Variants in ANKRD26 observed in about 807,000 individuals in gnomAD.
The protein encoded by ANKRD26 is ankyrin repeat domain-containing protein 26.
In ANKRD26, 141 loss-of-function variants were observed where a neutral mutation model predicts 208.7. The ratio of observed to expected loss-of-function variants is 0.68; its 90% CI spans 0.59 to 0.78. The LOEUF (loss-of-function observed/expected upper bound fraction) is 0.78. Ranked by LOEUF, ANKRD26 falls within the 30% of genes least tolerant of loss-of-function variation. The pLI, the probability that ANKRD26 is intolerant of heterozygous loss-of-function variation, is 0.00. For missense variants in ANKRD26, 1,889 were observed against 1,938.7 expected (o/e 0.97, Z 0.48); for synonymous variants, 636 against 660.4 (o/e 0.96, Z 0.57).
intron 15 of ANKRD26, among the ~76,000 whole-genome samples, chr10:27,058,210 C>T (rs1425401423): frequency 1.3e-5 from 2 of 152,132 alleles, no homozygotes; most frequent in Non-Finnish European, 2.9e-5. Flanking sequence ...TATTATTTGA[C>T]ATCTACAAAC....
chr10:27,078,102 C>T (rs79155402), intron 7 of ANKRD26, among the ~76,000 whole-genome samples: 2,549 of 152,092 alleles, frequency 0.017, 152 homozygotes, highest in East Asian at 0.16. Flanking sequence ...GCATGAATTA[C>T]CTCTTGTGAG....
At chr10:26,983,378 G>A (rs1243872275) in intron 3 of ANKRD26, among the ~76,000 whole-genome samples, 1 of 152,140 alleles carries the variant, frequency 6.6e-6, no homozygotes, top group African/African-American at 2.4e-5. Context: ...TAACCATCCT[G>A]GGGTTAACTG....
chr10:26,967,255 G>A, the ANKRD26 span, among the ~76,000 whole-genome samples: 2 of 152,144 alleles, frequency 1.3e-5, no homozygotes, highest in African/African-American at 4.8e-5. Context: ...AGGACAGATA[G>A]ATAGATATTT....
At chr10:27,066,684 AT>A (rs1317180163) in intron 10 of ANKRD26, 136 bp from the exon 11 acceptor site, 2 of 600,118 alleles carry the variant, frequency 3.3e-6, no homozygotes, top group Non-Finnish European at 5.3e-6. Context: ...CAAAAAAAGA[AT>A]TTCACAAGGT....
intron 18 of ANKRD26, chr10:27,046,068 C>T (rs565332318): frequency 7.0e-6 from 2 of 283,886 alleles, no homozygotes; most frequent in East Asian, 6.3e-5. Context: ...AGAAAGAAGG[C>T]TCCCTTGAAT....
chr10:27,058,063 A>G (rs2054905582), intron 15 of ANKRD26, among the ~76,000 whole-genome samples: 1 of 152,208 alleles, frequency 6.6e-6, no homozygotes, highest in Non-Finnish European at 1.5e-5. Flanking sequence ...ACAAGAAATG[A>G]GTATATAACA....
At chr10:27,084,408 AC>A (rs1380412394) in intron 5 of ANKRD26, among the ~76,000 whole-genome samples, 1 of 152,158 alleles carries the variant, frequency 6.6e-6, no homozygotes, top group Non-Finnish European at 1.5e-5. Context: ...AACTTTGAAG[AC>A]CAAAACTAAT....
chr10:27,037,444 CTTT>C, intron 22 of ANKRD26, 121 bp from the exon 23 acceptor site: 1 of 1,052,300 alleles, frequency 9.5e-7, no homozygotes, highest in South Asian at 1.5e-5. Flanking sequence ...ATGCAAGAAC[CTTT>C]ATTACTCAAG....
rs148124916 is a variant in ANKRD26 at position 27,091,950 on chromosome 10, G to C, written c.638+456C>G. Among the ~76,000 whole-genome samples the C allele has an allele frequency of 2.0e-3, 298 of 151,490 alleles. 6 individuals are homozygous for C. The East Asian group carries it at 0.051, about 26-fold the overall frequency. ...TGCAGTGAGCTGAGATTGCGCCACT[G>C]CACTCTAGCCTGAGTGACGGGGGAG... On this transcript the variant is annotated intron_variant, in intron 4 of 33. Transcript: ENST00000376087.
At chr10:27,000,109 G>A (rs1414757775), downstream of ANKRD26, among the ~76,000 whole-genome samples, 1 of 152,056 alleles carries the variant, frequency 6.6e-6, no homozygotes, top group East Asian at 1.9e-4. Flanking sequence ...CAGGAAAAAA[G>A]TTTTTTACAG....
chr10:26,954,568 T>C, the ANKRD26 span, among the ~76,000 whole-genome samples: 20 of 152,184 alleles, frequency 1.3e-4, no homozygotes, highest in Admixed American at 6.5e-5. Flanking sequence ...AGCGTATTAA[T>C]TGGATTTCTA....
At chr10:27,086,761 CTTTTTTGTTTTT>C (rs2056130314) in intron 4 of ANKRD26, 152 bp from the exon 5 acceptor site, 6 of 377,734 alleles carry the variant, frequency 1.6e-5, no homozygotes, top group Admixed American at 6.3e-5. Context: ...GCTCTACAAA[CTTTTTTGTTTTT>C]TTTTTTTTTT....
At chr10:27,078,986 A>C in intron 7 of ANKRD26, 103 bp downstream of exon 7, 1 of 922,950 alleles carries the variant, frequency 1.1e-6, no homozygotes, top group South Asian at 1.5e-5. Context: ...TTTCCATTAC[A>C]AACAGAAAAC....
Position 27,066,436 on chromosome 10 carries a change from C to G in ANKRD26, c.1269+51G>C, listed in dbSNP as rs373163636. 128 of 1,392,920 alleles carry G rather than the reference C, an allele frequency of 9.2e-5. 1 individual carries two copies. Among genetic ancestry groups the G allele is most frequent in the Non-Finnish European group, 1.3e-4 (125 of 994,906 alleles). 86.3% of individuals were successfully genotyped at this position (1,392,920 alleles called of 1,614,324 possible). A position where few individuals can be genotyped will look rare whatever the true frequency, so the allele number is the denominator to read the frequency against. On this transcript the variant is annotated intron_variant, in intron 11 of 33. Coordinates refer to ENST00000376087, the MANE Select transcript of ANKRD26 (RefSeq NM_014915.3). ...GTCAAAGCATCTCTTTATGTTTTAA[C>G]ATCACTCAATGCTTATATTTTAAAA...
chr10:27,006,627 A>T (rs370149683), intron 33 of ANKRD26, among the ~76,000 whole-genome samples: 2 of 152,170 alleles, frequency 1.3e-5, no homozygotes, highest in Admixed American at 1.3e-4. Flanking sequence ...CTACAGTTCT[A>T]TGGGGATGGC....
At chr10:27,028,485 T>C (rs1354720369) in intron 27 of ANKRD26, among the ~76,000 whole-genome samples, 1 of 148,354 alleles carries the variant, frequency 6.7e-6, no homozygotes, top group Admixed American at 6.9e-5. Flanking sequence ...TAGTCCCAGC[T>C]ACTCGGGAGG....
At chr10:27,052,130 T>A (rs2054683814) in intron 16 of ANKRD26, 1 of 984,156 alleles carries the variant, frequency 1.0e-6, no homozygotes, top group Admixed American at 6.2e-5. Flanking sequence ...TGCATGTTTT[T>A]AAAATAACTT....
chr10:27,081,093 C>T (rs1018786462), intron 6 of ANKRD26: 23 of 309,326 alleles, frequency 7.4e-5, no homozygotes, highest in Admixed American at 1.3e-4. Flanking sequence ...TTCCCAGTGG[C>T]TCAAATTATT....
chr10:26,949,636 C>A, the ANKRD26 span, among the ~76,000 whole-genome samples: 1 of 152,144 alleles, frequency 6.6e-6, no homozygotes, highest in Non-Finnish European at 1.5e-5. Context: ...TCCCAAGTAG[C>A]TGGGATTACA....
Sources: gnomAD v4.1 joint callset for allele counts (sites outside exome capture counted in the v4.1 genomes callset) on GRCh38, gnomAD v4.1.1 for gene constraint, MANE v1.5 for transcripts, NCBI Gene and HGNC (gene_info 2026-07-23, HGNC 2026-07-21) for gene names.